ARHGAP40: variants seen among roughly 807,000 people sequenced by gnomAD.
ARHGAP40 encodes the protein rho GTPase-activating protein 40.
ARHGAP40 carries 43 observed loss-of-function variants against 73.5 expected under a neutral mutation model. The ratio of observed to expected loss-of-function variants is 0.58; its 90% CI spans 0.46 to 0.75. The LOEUF (loss-of-function observed/expected upper bound fraction) is 0.75. Ranked by LOEUF, ARHGAP40 falls within the 30% of genes least tolerant of loss-of-function variation. The probability of loss-of-function intolerance (pLI) is 0.00; values close to 1 mark genes in which losing one functional copy is unlikely to be tolerated. For missense variants in ARHGAP40, 734 were observed against 861.8 expected (o/e 0.85, Z 1.86); for synonymous variants, 300 against 352.8 (o/e 0.85, Z 1.68).
chr20:38,627,531 ATG>A (rs139431695), intron 3 of ARHGAP40, among the ~76,000 whole-genome samples: 31,511 of 112,082 alleles, frequency 0.28, 3,866 homozygotes, highest in Non-Finnish European at 0.33. Flanking sequence ...GTGTTGGGGT[ATG>A]TGTGTGTGTG....
intron 10 of ARHGAP40, among the ~76,000 whole-genome samples, chr20:38,642,582 C>G (rs1277335815): frequency 3.3e-5 from 5 of 151,944 alleles, no homozygotes; most frequent in South Asian, 2.1e-4. Context: ...CCTATCCTCT[C>G]TCCCTCCCTC....
chr20:38,641,630 G>A (rs1039555517), intron 9 of ARHGAP40, 96 bp from the exon 10 acceptor site: 41 of 897,572 alleles, frequency 4.6e-5, no homozygotes, highest in Non-Finnish European at 5.6e-5. Flanking sequence ...GCTGTCCCCT[G>A]GCTTTCCAGC....
chr20:38,650,601 T>C (rs2089084084), exon 15 of ARHGAP40: 1 of 470,448 alleles, frequency 2.1e-6, no homozygotes, highest in Non-Finnish European at 4.4e-6. Context: ...TAATATGATA[T>C]AATATGTAAA....
At chr20:38,628,549 C>A (rs2088917298) in intron 3 of ARHGAP40, among the ~76,000 whole-genome samples, 1 of 152,198 alleles carries the variant, frequency 6.6e-6, no homozygotes, top group Non-Finnish European at 1.5e-5. Context: ...GGTGATCCAC[C>A]AGCCTCGGCC....
rs1282377209 is a variant in ARHGAP40 at position 38,634,513 on chromosome 20, C to T, written c.784-107C>T. 90 of 1,012,732 alleles carry T rather than the reference C, an allele frequency of 8.9e-5. No individual in the cohort carries two copies. The South Asian group carries it at 1.0e-3, about 11-fold the overall frequency. 62.7% of individuals were successfully genotyped at this position (1,012,732 alleles called of 1,614,324 possible). A position where few individuals can be genotyped will look rare whatever the true frequency, so the allele number is the denominator to read the frequency against. On this transcript the variant is annotated intron_variant, in intron 5 of 14. Coordinates refer to ENST00000373345, the Ensembl canonical transcript of ARHGAP40. ...CCTCTTGAGTGCTTGCTCTTATCCA[C>T]GCTGCTCTTCCTTCTGCCTAAATGC...
chr20:38,618,548 G>C (rs2088856766), intron 1 of ARHGAP40, among the ~76,000 whole-genome samples: 1 of 152,200 alleles, frequency 6.6e-6, no homozygotes, highest in African/African-American at 2.4e-5. Flanking sequence ...TCTGCTCCAT[G>C]ATGTCTGGGG....
intron 1 of ARHGAP40, among the ~76,000 whole-genome samples, chr20:38,603,527 A>G (rs1487430884): frequency 6.7e-6 from 1 of 148,840 alleles, no homozygotes; most frequent in African/African-American, 2.6e-5. Flanking sequence ...CCATCTATCT[A>G]TTCATCTATC....
chr20:38,603,770 G>T (rs1318258093), intron 1 of ARHGAP40, among the ~76,000 whole-genome samples: 1 of 152,164 alleles, frequency 6.6e-6, no homozygotes. Flanking sequence ...CTGTTTCCTT[G>T]CCTTTTCCAG....
intron 10 of ARHGAP40, among the ~76,000 whole-genome samples, chr20:38,642,321 A>T (rs220532): frequency 0.65 from 98,958 of 152,066 alleles, 33,330 homozygotes; most frequent in African/African-American, 0.84. Flanking sequence ...GAATGGATGC[A>T]GGGCCTTGGC....
intron 6 of ARHGAP40, among the ~76,000 whole-genome samples, chr20:38,635,084 G>A (rs879485744): frequency 1.2e-4 from 18 of 152,010 alleles, no homozygotes; most frequent in Non-Finnish European, 2.1e-4. Flanking sequence ...GTTTCACCAT[G>A]TTGGCCAGGA....
chr20:38,629,399 G>A lies in ARHGAP40; in HGVS notation c.635-103G>A, dbSNP rs905462561. 2.6e-6 allele frequency: 3 copies of A among 1,156,748 alleles called. No individual in the cohort carries two copies. The African/African-American group carries it at 4.8e-5, about 19-fold the overall frequency. 71.7% of individuals were successfully genotyped at this position (1,156,748 alleles called of 1,614,324 possible). A position where few individuals can be genotyped will look rare whatever the true frequency, so the allele number is the denominator to read the frequency against. ...TGGGGCTTTGAACTTGAGCTTGGGA[G>A]CTCACTTCTTAGGACTAAGGGCCTA... is the stretch of plus-strand genomic sequence containing the variant. On this transcript the variant is annotated intron_variant, in intron 4 of 14. Coordinates refer to ENST00000373345, the Ensembl canonical transcript of ARHGAP40.
intron 1 of ARHGAP40, among the ~76,000 whole-genome samples, chr20:38,604,736 T>C (rs187943824): frequency 8.5e-5 from 13 of 152,280 alleles, no homozygotes; most frequent in Admixed American, 3.3e-4. Context: ...AACATTTTAT[T>C]TGAATTTAAT....
At chr20:38,639,683 G>T (rs2089002325) in intron 9 of ARHGAP40, among the ~76,000 whole-genome samples, 1 of 152,222 alleles carries the variant, frequency 6.6e-6, no homozygotes, top group Non-Finnish European at 1.5e-5. Context: ...GAGTGGACTA[G>T]TTTCCTTCAC....
intron 1 of ARHGAP40, among the ~76,000 whole-genome samples, chr20:38,606,487 T>C (rs2088771159): frequency 6.6e-6 from 1 of 152,162 alleles, no homozygotes; most frequent in Non-Finnish European, 1.5e-5. Context: ...GACCAGACAT[T>C]ATTGTTCATT....
chr20:38,641,289 C>T (rs998224022), intron 9 of ARHGAP40, among the ~76,000 whole-genome samples: 11 of 152,136 alleles, frequency 7.2e-5, no homozygotes, highest in Non-Finnish European at 1.3e-4. Context: ...CTCCTCTCCC[C>T]GGAGATCCTG....
At chr20:38,628,360 A>C (rs1426289266) in intron 3 of ARHGAP40, among the ~76,000 whole-genome samples, 1 of 151,138 alleles carries the variant, frequency 6.6e-6, no homozygotes, top group East Asian at 1.9e-4. Context: ...GCTAGAGTGC[A>C]GTGGCGACAT....
At chr20:38,612,049 A>C (rs1007378873) in intron 1 of ARHGAP40, among the ~76,000 whole-genome samples, 1 of 152,198 alleles carries the variant, frequency 6.6e-6, no homozygotes, top group Non-Finnish European at 1.5e-5. Flanking sequence ...GATCAAATTA[A>C]CAACATTAAT....
At chr20:38,649,855 C>G (rs372397918) in exon 15 of ARHGAP40, 1 of 1,304,676 alleles carries the variant, frequency 7.7e-7, no homozygotes, top group South Asian at 1.2e-5. Context: ...CTAAACCCTG[C>G]GAGTCTCAGG....
rs1384763127 is a variant in ARHGAP40 at position 38,643,920 on chromosome 20, G to C, written c.1569+10G>C. On this transcript the variant is annotated intron_variant, in intron 11 of 14. Coordinates refer to ENST00000373345, the Ensembl canonical transcript of ARHGAP40. ...GGATCTGCTGTGGACGGTGAGTGCT[G>C]CTGGGCGCTGGGTATCCCTCTGGGT... The C allele has an allele frequency of 2.3e-6, 3 of 1,286,520 alleles. No homozygotes were observed. The highest frequency in any genetic ancestry group is 3.1e-6 in the Non-Finnish European group (3 of 978,020). The allele number at this position is 1,286,520 out of a possible 1,614,324, so 79.7% of individuals were successfully genotyped here.
Sources: gnomAD v4.1 joint callset for allele counts (sites outside exome capture counted in the v4.1 genomes callset) on GRCh38, gnomAD v4.1.1 for gene constraint, MANE v1.5 for transcripts, NCBI Gene and HGNC (gene_info 2026-07-23, HGNC 2026-07-21) for gene names.